The following RMND5B variants were observed in gnomAD, a reference collection of about 807,000 sequenced individuals.
The protein encoded by RMND5B is E3 ubiquitin-protein transferase RMND5B.
A neutral mutation model predicts 50.4 loss-of-function variants in RMND5B; 42 were observed. That is an observed-to-expected ratio of 0.83 (90% CI 0.65 to 1.08). RMND5B has a LOEUF of 1.08. Ranked by LOEUF, RMND5B falls within the 50% of genes least tolerant of loss-of-function variation. The pLI, the probability that RMND5B is intolerant of heterozygous loss-of-function variation, is 0.00. For synonymous variants in RMND5B, 220 were observed against 210.0 expected, an observed-to-expected ratio of 1.05 and a Z score of -0.41; for missense variants, 463 against 508.5, an observed-to-expected ratio of 0.91 and a Z score of 0.86.
In RMND5B at chr5:178,142,951, T is replaced by TA; in HGVS notation, c.386dup (p.Tyr129Ter). Residue 129 changes from tyrosine (Y) to a stop codon, truncating the protein, a stop_gained and frameshift_variant, in exon 5 of 11, where the codon TAT becomes TAAT. Coordinates refer to ENST00000313386, the MANE Select transcript of RMND5B (RefSeq NM_022762.5). LOFTEE classifies it high-confidence loss of function. Reference protein sequence around the residue: ...ILQMAIVEHLYQQGMLSVAEE... With the variant: ...ILQMAIVEHL ...GCAGATGGCCATCGTGGAACACCTG[T>TA]ATCAGCAGGGCATGCTCAGCGTGGC... The TA allele has an allele frequency of 6.2e-7, 1 of 1,614,188 alleles. No homozygotes were observed. Among genetic ancestry groups the TA allele is most frequent in the Non-Finnish European group, 8.5e-7 (1 of 1,180,014 alleles).
chr5:178,145,492 C>CAAA (rs551952895), intron 7 of RMND5B, among the ~76,000 whole-genome samples: 1 of 78,236 alleles, frequency 1.3e-5, no homozygotes, highest in Admixed American at 1.5e-4. Context: ...GACTCTGTCT[C>CAAA]AAAAAAAAAA....
Position 178,146,099 on chromosome 5 carries a change from C to T in RMND5B, c.695-15C>T. On this transcript the variant is annotated splice_polypyrimidine_tract_variant and intron_variant, in intron 7 of 10. Coordinates refer to ENST00000313386, the MANE Select transcript of RMND5B (RefSeq NM_022762.5). ...CCCTGCACCCCCTGAGCTGCCCCCT[C>T]TGGTTGCCTTGTAGAGATCCAGGTG... 1 of 1,613,560 alleles carries T rather than the reference C, an allele frequency of 6.2e-7. No homozygotes were observed. Among genetic ancestry groups the T allele is most frequent in the African/African-American group, 1.3e-5 (1 of 75,078 alleles).
chr5:178,143,815 G>T, intron 6 of RMND5B, 88 bp downstream of exon 6: 1 of 1,451,664 alleles, frequency 6.9e-7, no homozygotes, highest in Non-Finnish European at 9.7e-7. Flanking sequence ...TCACCCAGAT[G>T]TACTTGACTT....
In RMND5B at chr5:178,149,702, A is replaced by T. The variant is rs200781371; in HGVS notation, c.*1670A>T. The T allele has an allele frequency of 6.1e-4, 981 of 1,612,844 alleles. 6 individuals carry two copies. The African/African-American group carries it at 0.012, about 19-fold the overall frequency. On this transcript the variant is annotated 3_prime_UTR_variant, in exon 11 of 11. Transcript: ENST00000313386. ...TTCCAGCGGCAGGTGCCCAGGTGCTACCGGAGCCCCTCATAGGGGTAGGGG... is the reference window on the plus strand; with the variant it reads ...TTCCAGCGGCAGGTGCCCAGGTGCTTCCGGAGCCCCTCATAGGGGTAGGGG...
At chr5:178,131,732 G>A (rs1231318089) in intron 2 of RMND5B, among the ~76,000 whole-genome samples, 1 of 152,124 alleles carries the variant, frequency 6.6e-6, no homozygotes, top group East Asian at 1.9e-4. Context: ...AGGAAGATAC[G>A]GGAAGAGAGT....
At chr5:178,146,561 G>A in intron 8 of RMND5B, 1 of 394,892 alleles carries the variant, frequency 2.5e-6, no homozygotes, top group South Asian at 3.7e-5. Context: ...CCTCACCCTG[G>A]ATCATTGCAA....
Position 178,136,976 on chromosome 5 carries a change from C to T in RMND5B, c.-12-1132C>T, listed in dbSNP as rs1480948307. ...TTCTGGTCTGGTGGGGGAGGCAGGC[C>T]CAGTGACCAAAACTGAAATAGAAGG... On this transcript the variant is annotated intron_variant, in intron 2 of 10. Transcript: ENST00000313386. 5.3e-5 allele frequency among the ~76,000 whole-genome samples: 8 copies of T among 151,922 alleles called. 1 individual carries two copies. The highest frequency in any genetic ancestry group is 1.3e-4 in the Admixed American group (2 of 15,240).
At chr5:178,145,888 A>G (rs1755974802) in intron 7 of RMND5B, 3 of 520,270 alleles carry the variant, frequency 5.8e-6, no homozygotes, top group South Asian at 3.0e-5. Flanking sequence ...ATTCTGTGTT[A>G]GTAATGCCTG....
chr5:178,141,904 T>C (rs910026826), intron 3 of RMND5B: 3 of 152,240 alleles, frequency 2.0e-5, no homozygotes, highest in African/African-American at 7.2e-5. Flanking sequence ...CTCTATAGAT[T>C]TGCCTATTTT....
intron 2 of RMND5B, among the ~76,000 whole-genome samples, chr5:178,132,312 G>T (rs1374682593): frequency 6.6e-6 from 1 of 152,080 alleles, no homozygotes; most frequent in Non-Finnish European, 1.5e-5. Flanking sequence ...GTGGTGGCAG[G>T]TGTCTGTAAT....
At position 178,138,519 on chromosome 5, in the gene RMND5B, T is replaced by TGTGTG. The variant is rs1758744207; in HGVS notation, c.139+261_139+262insGTGTG. On this transcript the variant is annotated intron_variant, in intron 3 of 10. Transcript: ENST00000313386. This position sits in a 1 kb window ranked among gnomAD's most constrained non-coding sequence, Gnocchi z 5.1. ...TTTTTAACTTTTTTTCATTTTATAA[T>TGTGTG]TGTGTGTGTGTGTGTGTGTGTGTGT... The TGTGTG allele has an allele frequency of 6.6e-6, 2 of 301,372 alleles. No individual in the cohort carries two copies. Among genetic ancestry groups the TGTGTG allele is most frequent in the African/African-American group, 2.3e-5 (1 of 42,914 alleles). The allele number at this position is 301,372 out of a possible 1,614,324, so 18.7% of individuals were successfully genotyped here.
chr5:178,134,819 GAA>G (rs35167628), intron 2 of RMND5B, among the ~76,000 whole-genome samples: 99 of 141,808 alleles, frequency 7.0e-4, no homozygotes, highest in Middle Eastern at 3.5e-3. Flanking sequence ...ATACAAAAAT[GAA>G]AAAAAAAAAA....
rs775303026 is a variant in RMND5B at position 178,146,211 on chromosome 5, CTG to C, written c.795_796del (p.Cys265Ter). The C allele has an allele frequency of 2.9e-5, 47 of 1,614,092 alleles. No individual in the cohort carries two copies. Among genetic ancestry groups the C allele is most frequent in the Non-Finnish European group, 3.6e-5 (43 of 1,180,024 alleles). On this transcript the variant is annotated frameshift_variant, in exon 8 of 11. Transcript: ENST00000313386. LOFTEE classifies it high-confidence loss of function. ...LLDSSHWAEI[C>X]ETFTRDACSL... ...TGGACAGCAGCCACTGGGCAGAGAT[CTG>C]TGAGACCTTTACCCGGGACGCCTGT...
At position 178,148,315 on chromosome 5, in the gene RMND5B, C is replaced by T. The variant is rs1028890664; in HGVS notation, c.*283C>T. 26 of 489,708 alleles carry T rather than the reference C, an allele frequency of 5.3e-5. No homozygotes were observed. The highest frequency in any genetic ancestry group is 1.4e-4 in the African/African-American group (7 of 51,408). The allele number at this position is 489,708 out of a possible 1,614,324, so 30.3% of individuals were successfully genotyped here. A position where few individuals can be genotyped will look rare whatever the true frequency, so the allele number is the denominator to read the frequency against. ...TGTTTGCGTTTGACTTAGTAGCAAC[C>T]GACAGAGTGGCAAGGGATTTGGTCT... is the stretch of plus-strand genomic sequence containing the variant. On this transcript the variant is annotated 3_prime_UTR_variant, in exon 11 of 11. Transcript: ENST00000313386.
chr5:178,132,841 G>A (rs969490073), intron 2 of RMND5B, among the ~76,000 whole-genome samples: 22 of 139,562 alleles, frequency 1.6e-4, no homozygotes, highest in Non-Finnish European at 2.3e-4. Context: ...AATGGAGGTT[G>A]TCTAATCTTT....
At position 178,142,063 on chromosome 5, in the gene RMND5B, A is replaced by G. The variant is rs532729593; in HGVS notation, c.140-520A>G. ...GGCTGAATAATAGTCCACTGTAGGG[A>G]TGTGCCATGTTTTTCCACTAGCTGA... On this transcript the variant is annotated intron_variant, in intron 3 of 10. Coordinates refer to ENST00000313386, the MANE Select transcript of RMND5B (RefSeq NM_022762.5). 157 of 160,066 alleles carry G rather than the reference A, an allele frequency of 9.8e-4. 4 individuals carry two copies. The South Asian group carries it at 0.017, about 17-fold the overall frequency. The allele number at this position is 160,066 out of a possible 1,614,324, so 9.9% of individuals were successfully genotyped here. A position where few individuals can be genotyped will look rare whatever the true frequency, so the allele number is the denominator to read the frequency against.
Position 178,150,085 on chromosome 5 carries a change from G to A in RMND5B, c.*2053G>A, listed in dbSNP as rs745642249. On this transcript the variant is annotated 3_prime_UTR_variant, in exon 11 of 11. Coordinates refer to ENST00000313386, the MANE Select transcript of RMND5B (RefSeq NM_022762.5). The stretch of plus-strand genomic sequence containing the variant: ...ATGAAAGGGCTCCAGCCCAGCAGGG[G>A]CTGTCCCGGTCCCTGCCACCCCCAC... 1.4e-4 allele frequency: 57 copies of A among 404,388 alleles called. No individual in the cohort carries two copies. Among genetic ancestry groups the A allele is most frequent in the Non-Finnish European group, 2.4e-4 (52 of 220,338 alleles). The allele number at this position is 404,388 out of a possible 1,614,324, so 25.0% of individuals were successfully genotyped here. A position where few individuals can be genotyped will look rare whatever the true frequency, so the allele number is the denominator to read the frequency against.
chr5:178,148,439 C>T lies in RMND5B; in HGVS notation c.*407C>T, dbSNP rs1025891466. On this transcript the variant is annotated 3_prime_UTR_variant, in exon 11 of 11. Transcript: ENST00000313386. ...TGCCCCTCGGCCCAAGAGTGTCCAG[C>T]GGTGGCCCACCTCTTCCTCCCACTA... is the stretch of plus-strand genomic sequence containing the variant. 10 of 269,718 alleles carry T rather than the reference C, an allele frequency of 3.7e-5. No homozygotes were observed. The highest frequency in any genetic ancestry group is 2.7e-4 in the South Asian group (6 of 22,320). The allele number at this position is 269,718 out of a possible 1,614,324, so 16.7% of individuals were successfully genotyped here.
intron 4 of RMND5B, 25 bp downstream of exon 4, chr5:178,142,753 G>A (rs372354955): frequency 5.0e-5 from 80 of 1,614,256 alleles, no homozygotes; most frequent in Non-Finnish European, 5.5e-5. Flanking sequence ...GGCTCCAGGC[G>A]TGGGGTGGGA....
Sources: gnomAD v4.1 joint callset for allele counts (sites outside exome capture counted in the v4.1 genomes callset) on GRCh38, gnomAD v4.1.1 for gene constraint, Gnocchi (gnomAD v3.1) non-coding constraint, MANE v1.5 for transcripts, NCBI Gene and HGNC (gene_info 2026-07-23, HGNC 2026-07-21) for gene names.